PRKD3: variants seen among roughly 807,000 people sequenced by gnomAD.
PRKD3 encodes the protein protein kinase D3.
In PRKD3, 47 loss-of-function variants were observed where a neutral mutation model predicts 99.2. That is an observed-to-expected ratio of 0.47 (90% CI 0.38 to 0.60). The LOEUF is 0.60. PRKD3 is among the 20% of genes least tolerant of loss of function. The probability of loss-of-function intolerance (pLI) is 0.00; values close to 1 mark genes in which losing one functional copy is unlikely to be tolerated. For synonymous variants in PRKD3, 392 were observed against 355.4 expected, an observed-to-expected ratio of 1.10 and a Z score of -1.16; for missense variants, 1,019 against 1,088.4, an observed-to-expected ratio of 0.94 and a Z score of 0.90.
chr2:37,251,597 G>C lies in PRKD3; in HGVS notation c.*1580C>G, dbSNP rs761161408. On this transcript the variant is annotated 3_prime_UTR_variant, in exon 19 of 19. Coordinates refer to ENST00000234179, the MANE Select transcript of PRKD3 (RefSeq NM_005813.6). ...GGATGTCGAAAGGCCTTCTCAGTCT[G>C]TTCATGTACCAGAACATTCTTTTTT... 6.6e-6 allele frequency: 1 copy of C among 152,008 alleles called. No individual in the cohort carries two copies. Among genetic ancestry groups the C allele is most frequent in the Non-Finnish European group, 1.5e-5 (1 of 67,954 alleles). 9.4% of individuals were successfully genotyped at this position (152,008 alleles called of 1,614,324 possible).
Position 37,300,283 on chromosome 2 carries a change from G to T in PRKD3, c.289-7012C>A, listed in dbSNP as rs539671767. ...AAATAAGCCAGGCACAGAAAGACAA[G>T]TATTGCATGTTCTCACTTGTATGTG... is the stretch of plus-strand genomic sequence containing the variant. On this transcript the variant is annotated intron_variant, in intron 2 of 18. Transcript: ENST00000234179. Among the ~76,000 whole-genome samples the T allele has an allele frequency of 2.4e-3, 359 of 152,170 alleles. 1 individual carries two copies. The highest frequency in any genetic ancestry group is 8.1e-3 in the African/African-American group (338 of 41,512).
At chr2:37,263,631 G>A (rs1284952956) in intron 14 of PRKD3, among the ~76,000 whole-genome samples, 1 of 151,986 alleles carries the variant, frequency 6.6e-6, no homozygotes, top group Non-Finnish European at 1.5e-5. Context: ...CATTTAATGT[G>A]TTTTCCCTTG....
At chr2:37,276,831 C>CAT (rs1293836876) in intron 9 of PRKD3, among the ~76,000 whole-genome samples, 4 of 144,958 alleles carry the variant, frequency 2.8e-5, no homozygotes, top group Non-Finnish European at 5.9e-5. Flanking sequence ...CATATATATT[C>CAT]ATATATATAC....
chr2:37,271,003 C>G (rs759583134), intron 12 of PRKD3, among the ~76,000 whole-genome samples: 2 of 152,142 alleles, frequency 1.3e-5, no homozygotes, highest in Non-Finnish European at 2.9e-5. Context: ...AATATGCTGT[C>G]TATTCTACCT....
chr2:37,320,091 A>G (rs1377026330), intron 1 of PRKD3, among the ~76,000 whole-genome samples: 2 of 152,240 alleles, frequency 1.3e-5, no homozygotes, highest in Non-Finnish European at 2.9e-5. Context: ...AAACACATAA[A>G]GTGAGATATG....
intron 1 of PRKD3, among the ~76,000 whole-genome samples, chr2:37,323,598 A>G (rs1169530986): frequency 6.6e-6 from 1 of 152,164 alleles, no homozygotes; most frequent in Non-Finnish European, 1.5e-5. Flanking sequence ...GGGGAACTTT[A>G]TGGACGCCTT....
At position 37,250,842 on chromosome 2, in the gene PRKD3, A is replaced by C. The variant is rs1362178175; in HGVS notation, c.*2335T>G. On this transcript the variant is annotated 3_prime_UTR_variant, in exon 19 of 19. Coordinates refer to ENST00000234179, the MANE Select transcript of PRKD3 (RefSeq NM_005813.6). The stretch of plus-strand genomic sequence containing the variant: ...TTGTACATTATCAAATGTTTCTAGC[A>C]ATTACTTCTTTTACAAACACGACTT... The C allele has an allele frequency of 6.6e-6, 1 of 152,644 alleles. No individual in the cohort carries two copies. Among genetic ancestry groups the C allele is most frequent in the African/African-American group, 2.4e-5 (1 of 41,454 alleles). The allele number at this position is 152,644 out of a possible 1,614,324, so 9.5% of individuals were successfully genotyped here. A position where few individuals can be genotyped will look rare whatever the true frequency, so the allele number is the denominator to read the frequency against.
At chr2:37,259,535 T>C in intron 16 of PRKD3, 48 bp downstream of exon 16, 1 of 1,440,908 alleles carries the variant, frequency 6.9e-7, no homozygotes, top group Non-Finnish European at 9.7e-7. Context: ...TGTGGGTGCT[T>C]TGAAAATGTT....
intron 14 of PRKD3, among the ~76,000 whole-genome samples, chr2:37,262,293 G>A (rs1668523424): frequency 6.6e-6 from 1 of 152,034 alleles, no homozygotes; most frequent in Non-Finnish European, 1.5e-5. Context: ...TGGGACTACT[G>A]CAATAGTTTC....
rs573855180 is a variant in PRKD3, at chr2:37,290,039, T to C, written c.560-526A>G. Reference sequence around the variant, plus strand: ...GTCTATGATTGGTTTCATACTGTAATAGCAGAGTTAAATCATGACAGAGAC... The same window carrying C: ...GTCTATGATTGGTTTCATACTGTAACAGCAGAGTTAAATCATGACAGAGAC... On this transcript the variant is annotated intron_variant, in intron 4 of 18. Coordinates refer to ENST00000234179, the MANE Select transcript of PRKD3 (RefSeq NM_005813.6). 4.9e-4 allele frequency among the ~76,000 whole-genome samples: 74 copies of C among 152,316 alleles called. No individual in the cohort carries two copies. The South Asian group carries it at 0.015, about 31-fold the overall frequency.
intron 2 of PRKD3, among the ~76,000 whole-genome samples, chr2:37,301,870 A>G (rs185365365): frequency 6.6e-5 from 10 of 152,182 alleles, no homozygotes; most frequent in Non-Finnish European, 1.2e-4. Context: ...AGCTGAGATG[A>G]TTTTGCCCAC....
chr2:37,265,507 A>AC (rs1491126323), intron 14 of PRKD3, among the ~76,000 whole-genome samples: 57 of 152,190 alleles, frequency 3.7e-4, no homozygotes, highest in Admixed American at 7.8e-4. Context: ...ACACACACAC[A>AC]AACACACACA....
intron 14 of PRKD3, among the ~76,000 whole-genome samples, chr2:37,263,409 G>T (rs1235577818): frequency 6.6e-6 from 1 of 151,884 alleles, no homozygotes; most frequent in African/African-American, 2.4e-5. Flanking sequence ...TTGTTTTTAG[G>T]GTACAGAGGT....
intron 1 of PRKD3, among the ~76,000 whole-genome samples, chr2:37,319,342 G>C (rs2124908139): frequency 6.6e-6 from 1 of 152,272 alleles, no homozygotes; most frequent in East Asian, 1.9e-4. Flanking sequence ...AGTCTTTACG[G>C]AACTGCCTTG....
intron 2 of PRKD3, among the ~76,000 whole-genome samples, chr2:37,299,486 T>G (rs1008720323): frequency 6.7e-6 from 1 of 148,342 alleles, no homozygotes; most frequent in Non-Finnish European, 1.5e-5. Flanking sequence ...CTGGTCAACA[T>G]GGTGAAACCC....
At chr2:37,257,662 G>A (rs1668071047) in intron 16 of PRKD3, among the ~76,000 whole-genome samples, 1 of 72,978 alleles carries the variant, frequency 1.4e-5, no homozygotes, top group Admixed American at 2.6e-4. Context: ...TGAAGACTCT[G>A]TCTCAAAAGA....
intron 1 of PRKD3, among the ~76,000 whole-genome samples, chr2:37,323,283 A>T (rs1671961370): frequency 6.6e-6 from 1 of 151,138 alleles, no homozygotes; most frequent in Non-Finnish European, 1.5e-5. Flanking sequence ...GAAACGCTAT[A>T]TACTAAATTA....
intron 3 of PRKD3, among the ~76,000 whole-genome samples, chr2:37,291,887 C>T (rs1670445872): frequency 6.6e-6 from 1 of 152,198 alleles, no homozygotes; most frequent in Non-Finnish European, 1.5e-5. Context: ...ACAAAAAGTA[C>T]TGCAGACCTA....
rs1468160196 is a variant in PRKD3, at chr2:37,269,776, C to T, written c.1705-89G>A. On this transcript the variant is annotated intron_variant, in intron 12 of 18. Coordinates refer to ENST00000234179, the MANE Select transcript of PRKD3 (RefSeq NM_005813.6). ...CTTTCTTCATCCAAATACTTCAATA[C>T]ATTTTTATGTTAGAAGCAGCTAATT... 5.8e-5 allele frequency: 52 copies of T among 892,286 alleles called. No homozygotes were observed. In the East Asian group the frequency reaches 9.1e-4, roughly 16 times the overall value. The allele number at this position is 892,286 out of a possible 1,614,324, so 55.3% of individuals were successfully genotyped here. A position where few individuals can be genotyped will look rare whatever the true frequency, so the allele number is the denominator to read the frequency against.
Sources: gnomAD v4.1 joint callset for allele counts (sites outside exome capture counted in the v4.1 genomes callset) on GRCh38, gnomAD v4.1.1 for gene constraint, MANE v1.5 for transcripts, NCBI Gene and HGNC (gene_info 2026-07-23, HGNC 2026-07-21) for gene names.